The following GALNT13 variants were observed in gnomAD, a reference collection of about 807,000 sequenced individuals.
GALNT13 encodes polypeptide N-acetylgalactosaminyltransferase 13.
GALNT13 carries 28 observed loss-of-function variants against 64.2 expected under a neutral mutation model. The observed-to-expected ratio is 0.44, with a 90% CI of 0.32 to 0.60. The LOEUF (loss-of-function observed/expected upper bound fraction) is 0.60, where lower values mean the gene tolerates loss of function less well. Ranked by LOEUF, GALNT13 falls within the 20% of genes least tolerant of loss-of-function variation. GALNT13 has a pLI of 0.05. For synonymous variants in GALNT13, 214 were observed against 224.6 expected (o/e 0.95, Z 0.42); for missense variants, 577 against 669.8 (o/e 0.86, Z 1.53).
the GALNT13 span, among the ~76,000 whole-genome samples, chr2:153,174,857 C>T: frequency 6.6e-6 from 1 of 152,072 alleles, no homozygotes; most frequent in African/African-American, 2.4e-5. Flanking sequence ...GCTTTCTCTA[C>T]CAAGCACCTC....
At chr2:153,836,295 A>G in the GALNT13 span, among the ~76,000 whole-genome samples, 5 of 152,058 alleles carry the variant, frequency 3.3e-5, no homozygotes, top group African/African-American at 1.2e-4. Context: ...TAAGCTTATT[A>G]TCACATCTAT....
chr2:153,286,690 G>A, the GALNT13 span, among the ~76,000 whole-genome samples: 3 of 152,280 alleles, frequency 2.0e-5, no homozygotes, highest in Non-Finnish European at 2.9e-5. Context: ...TTCAAAAATC[G>A]TGTTATAATG....
At chr2:153,502,026 A>T in the GALNT13 span, among the ~76,000 whole-genome samples, 2 of 152,216 alleles carry the variant, frequency 1.3e-5, no homozygotes. Flanking sequence ...CAGAAGTCTG[A>T]CTAGTAAGAA....
At chr2:153,913,139 G>A (rs563348099) in intron 2 of GALNT13, among the ~76,000 whole-genome samples, 1 of 152,298 alleles carries the variant, frequency 6.6e-6, no homozygotes, top group East Asian at 1.9e-4. Context: ...TGGTGGTGGT[G>A]GCTGCCTAGG....
At chr2:153,381,274 C>T in the GALNT13 span, among the ~76,000 whole-genome samples, 17 of 152,014 alleles carry the variant, frequency 1.1e-4, no homozygotes, top group African/African-American at 4.8e-5. Context: ...AGAAACAACA[C>T]CCAAATTTTG....
At chr2:153,182,203 C>G in the GALNT13 span, among the ~76,000 whole-genome samples, 2 of 151,812 alleles carry the variant, frequency 1.3e-5, no homozygotes, top group African/African-American at 4.8e-5. Context: ...ACCATCATAC[C>G]CGGCTAATTT....
At chr2:154,318,305 T>A (rs528381658) in intron 9 of GALNT13, among the ~76,000 whole-genome samples, 1 of 152,290 alleles carries the variant, frequency 6.6e-6, no homozygotes, top group South Asian at 2.1e-4. Context: ...CAAAACGCCT[T>A]AAAAAACTTA....
chr2:154,396,206 T>C, intron 10 of GALNT13, 76 bp downstream of exon 10: 1 of 940,220 alleles, frequency 1.1e-6, no homozygotes, highest in Non-Finnish European at 1.5e-6. Flanking sequence ...TCAGTATTTT[T>C]TATGTTATGA....
chr2:154,411,339 C>CACACACAG (rs1449423593), intron 11 of GALNT13, among the ~76,000 whole-genome samples: 2 of 27,230 alleles, frequency 7.3e-5, no homozygotes, highest in Non-Finnish European at 2.1e-4. Context: ...CACACACACA[C>CACACACAG]ACACACACAC....
the GALNT13 span, among the ~76,000 whole-genome samples, chr2:153,366,630 G>A: frequency 2.7e-5 from 4 of 150,628 alleles, no homozygotes; most frequent in Non-Finnish European, 4.4e-5. Flanking sequence ...GAAGTGATGG[G>A]CAAAAATATT....
At chr2:153,938,738 C>T (rs1026270717) in intron 2 of GALNT13, among the ~76,000 whole-genome samples, 1 of 152,178 alleles carries the variant, frequency 6.6e-6, no homozygotes, top group Non-Finnish European at 1.5e-5. Flanking sequence ...TCTGTGTCTT[C>T]ACATGGTTTT....
At chr2:154,252,706 T>C (rs934255245) in intron 7 of GALNT13, among the ~76,000 whole-genome samples, 1 of 149,598 alleles carries the variant, frequency 6.7e-6, no homozygotes, top group Non-Finnish European at 1.5e-5. Flanking sequence ...CTGTATAAGG[T>C]ATATGGACGA....
chr2:153,871,669 AT>A (rs2105207708), upstream of GALNT13, among the ~76,000 whole-genome samples: 1 of 152,302 alleles, frequency 6.6e-6, no homozygotes, highest in South Asian at 2.1e-4. Context: ...CCTGCCAAGT[AT>A]CGCGGGACTT....
the GALNT13 span, among the ~76,000 whole-genome samples, chr2:153,565,079 A>G: frequency 6.6e-6 from 1 of 152,146 alleles, no homozygotes; most frequent in African/African-American, 2.4e-5. Context: ...AGGACATGGG[A>G]AAGCTGAAGT....
the GALNT13 span, among the ~76,000 whole-genome samples, chr2:153,630,882 A>G: frequency 2.9e-5 from 4 of 139,864 alleles, no homozygotes; most frequent in African/African-American, 1.1e-4. Context: ...ACATATGTAT[A>G]CATGTGCCAT....
At chr2:154,239,735 T>C (rs1422528819) in intron 4 of GALNT13, among the ~76,000 whole-genome samples, 1 of 152,210 alleles carries the variant, frequency 6.6e-6, no homozygotes, top group Non-Finnish European at 1.5e-5. Context: ...AATAAATCTT[T>C]TTCAAATAAA....
intron 3 of GALNT13, among the ~76,000 whole-genome samples, chr2:154,027,959 G>A (rs1227985257): frequency 1.3e-5 from 2 of 151,956 alleles, no homozygotes; most frequent in African/African-American, 2.4e-5. Context: ...TTATATACTC[G>A]CTTTTTTGGT....
chr2:153,400,963 G>A, the GALNT13 span, among the ~76,000 whole-genome samples: 2 of 151,466 alleles, frequency 1.3e-5, no homozygotes, highest in African/African-American at 4.9e-5. Flanking sequence ...CTTGCCTTCT[G>A]CTAGCTTTTG....
chr2:153,110,292 T>C, the GALNT13 span, among the ~76,000 whole-genome samples: 5 of 152,224 alleles, frequency 3.3e-5, no homozygotes, highest in East Asian at 9.7e-4. Flanking sequence ...ATAGTGGATA[T>C]AGGATTTTAT....
Sources: gnomAD v4.1 joint callset for allele counts (sites outside exome capture counted in the v4.1 genomes callset) on GRCh38, gnomAD v4.1.1 for gene constraint, MANE v1.5 for transcripts, NCBI Gene and HGNC (gene_info 2026-07-23, HGNC 2026-07-21) for gene names.